Variants in GGTA1 observed in about 807,000 individuals in gnomAD.
GGTA1 encodes inactive N-acetyllactosaminide alpha-1,3-galactosyltransferase.
GGTA1 carries 5 observed loss-of-function variants against 2.6 expected under a neutral mutation model. The ratio of observed to expected loss-of-function variants is 1.92; its 90% CI spans 1.00 to 4.04. The LOEUF (loss-of-function observed/expected upper bound fraction) is 4.04, where lower values mean the gene tolerates loss of function less well. Ranked by LOEUF, GGTA1 falls within the 30% of genes most tolerant of loss-of-function variation. The probability of loss-of-function intolerance (pLI) is 0.00; values close to 1 mark genes in which losing one functional copy is unlikely to be tolerated. For missense variants in GGTA1, 50 were observed against 16.7 expected, an observed-to-expected ratio of 2.99 and a Z score of -3.47; for synonymous variants, 17 against 5.0, an observed-to-expected ratio of 3.38 and a Z score of -3.19.
intron 4 of GGTA1, among the ~76,000 whole-genome samples, chr9:121,461,046 C>T (rs957015817): frequency 1.3e-5 from 2 of 152,178 alleles, no homozygotes; most frequent in Admixed American, 6.5e-5. Context: ...CACTGCACTC[C>T]AGCCTGAGTG....
intron 3 of GGTA1, among the ~76,000 whole-genome samples, chr9:121,461,955 T>C (rs746835101): frequency 1.3e-5 from 2 of 152,184 alleles, no homozygotes; most frequent in African/African-American, 2.4e-5. Flanking sequence ...GAGCAAGAAG[T>C]TCAGGAAACT....
In GGTA1 at chr9:121,468,408, C is replaced by T. The variant is rs1001135857; in HGVS notation, c.-9-477G>A. ...TGTATATGTGCCACATTTTCTTTAT[C>T]CAGTCTATCATTGATGGGCATTTGG... On this transcript the variant is annotated intron_variant, in intron 1 of 5. Transcript: ENST00000481799. 3.9e-5 allele frequency among the ~76,000 whole-genome samples: 6 copies of T among 152,158 alleles called. No individual in the cohort carries two copies. In the East Asian group the frequency reaches 1.2e-3, roughly 29 times the overall value.
chr9:121,470,849 A>C (rs1483312614), intron 1 of GGTA1, among the ~76,000 whole-genome samples: 1 of 152,282 alleles, frequency 6.6e-6, no homozygotes, highest in Non-Finnish European at 1.5e-5. Flanking sequence ...TCTGGAGGTC[A>C]TAAGATTTTC....
chr9:121,453,372 A>G (rs538340838), downstream of GGTA1, among the ~76,000 whole-genome samples: 70 of 152,376 alleles, frequency 4.6e-4, no homozygotes, highest in Admixed American at 7.2e-4. Flanking sequence ...AAAGCAAAAC[A>G]GGAAGCTATA....
intron 1 of GGTA1, among the ~76,000 whole-genome samples, chr9:121,470,725 G>A (rs1289162607): frequency 6.6e-6 from 1 of 152,226 alleles, no homozygotes; most frequent in African/African-American, 2.4e-5. Context: ...TTAGTTTATA[G>A]TTTAAATAAT....
At chr9:121,499,139 C>A (rs1015981434) in intron 1 of GGTA1, among the ~76,000 whole-genome samples, 1 of 151,962 alleles carries the variant, frequency 6.6e-6, no homozygotes, top group Admixed American at 6.6e-5. Flanking sequence ...TCTGACATCT[C>A]CCTCTCTATT....
At chr9:121,481,443 T>C (rs998011690) in intron 1 of GGTA1, among the ~76,000 whole-genome samples, 3 of 152,028 alleles carry the variant, frequency 2.0e-5, no homozygotes, top group Non-Finnish European at 4.4e-5. Context: ...TCCCAGCACT[T>C]TGGGAGGCTG....
At chr9:121,463,799 G>A (rs183990047) in intron 2 of GGTA1, among the ~76,000 whole-genome samples, 4 of 152,224 alleles carry the variant, frequency 2.6e-5, no homozygotes, top group Non-Finnish European at 5.9e-5. Context: ...TGGTGATGAC[G>A]AAGGCCCTGA....
chr9:121,464,353 G>A (rs142502142), intron 2 of GGTA1, among the ~76,000 whole-genome samples: 3,201 of 134,838 alleles, frequency 0.024, 135 homozygotes, highest in African/African-American at 0.085. Flanking sequence ...TTGAGATGGA[G>A]TCTTGCTCTG....
intron 1 of GGTA1, among the ~76,000 whole-genome samples, chr9:121,499,077 G>A (rs763425823): frequency 6.6e-6 from 1 of 151,922 alleles, no homozygotes; most frequent in Non-Finnish European, 1.5e-5. Flanking sequence ...GTTAGTGTCG[G>A]AAACTTTCCC....
intron 1 of GGTA1, among the ~76,000 whole-genome samples, chr9:121,477,203 A>G (rs578084498): frequency 6.6e-6 from 1 of 152,360 alleles, no homozygotes. Context: ...GAGAAGTGGC[A>G]TCGCCAATAA....
chr9:121,459,968 C>T (rs2064946118), intron 5 of GGTA1, 136 bp downstream of exon 5: 2 of 372,616 alleles, frequency 5.4e-6, no homozygotes, highest in Admixed American at 3.6e-5. Flanking sequence ...CATATGTCTA[C>T]TGTTAAAGGT....
intron 1 of GGTA1, among the ~76,000 whole-genome samples, chr9:121,489,803 G>A (rs1055492365): frequency 6.6e-6 from 1 of 152,206 alleles, no homozygotes; most frequent in Non-Finnish European, 1.5e-5. Flanking sequence ...GGATGTGTGT[G>A]TGTTTGTTGG....
At chr9:121,490,387 C>T (rs1828850347) in intron 1 of GGTA1, among the ~76,000 whole-genome samples, 1 of 152,142 alleles carries the variant, frequency 6.6e-6, no homozygotes, top group Non-Finnish European at 1.5e-5. Flanking sequence ...CTGAAACCTC[C>T]CCAGAAGGCT....
intron 2 of GGTA1, among the ~76,000 whole-genome samples, chr9:121,463,896 G>A (rs1316459265): frequency 6.6e-6 from 1 of 152,098 alleles, no homozygotes; most frequent in Non-Finnish European, 1.5e-5. Flanking sequence ...AGAGCCTAAT[G>A]CCATGGCCAA....
chr9:121,488,640 C>G (rs963114903), intron 1 of GGTA1, among the ~76,000 whole-genome samples: 24 of 152,132 alleles, frequency 1.6e-4, no homozygotes, highest in African/African-American at 5.8e-4. Flanking sequence ...TCGCTTGAAC[C>G]CGGGAGGCGG....
intron 1 of GGTA1, among the ~76,000 whole-genome samples, chr9:121,469,430 T>C (rs1048095369): frequency 1.3e-5 from 2 of 151,886 alleles, no homozygotes; most frequent in Admixed American, 6.6e-5. Context: ...ACAGGGCAAA[T>C]AGACGATGAA....
intron 5 of GGTA1, among the ~76,000 whole-genome samples, chr9:121,457,678 G>A (rs2064923565): frequency 7.2e-6 from 1 of 138,734 alleles, no homozygotes; most frequent in Non-Finnish European, 1.5e-5. Flanking sequence ...TCCAGCCTGG[G>A]CAACAAAGCG....
rs192681686 is a variant in GGTA1, at chr9:121,458,347, T to A, written c.298+1757A>T. ...ACATTCTTTAAATAATCTGCTTGTG[T>A]CCAGAAGCAGTGGCTCATGCCTGTA... On this transcript the variant is annotated intron_variant, in intron 5 of 5. Coordinates refer to ENST00000481799, the MANE Select transcript of GGTA1 (RefSeq NM_001382585.1). Among the ~76,000 whole-genome samples the A allele has an allele frequency of 1.2e-4, 18 of 151,516 alleles. No homozygotes were observed. The East Asian group carries it at 3.6e-3, about 30-fold the overall frequency.
Sources: gnomAD v4.1 joint callset for allele counts (sites outside exome capture counted in the v4.1 genomes callset) on GRCh38, gnomAD v4.1.1 for gene constraint, MANE v1.5 for transcripts, NCBI Gene and HGNC (gene_info 2026-07-23, HGNC 2026-07-21) for gene names.